PALM2AKAP2: variants seen among roughly 807,000 people sequenced by gnomAD.
PALM2AKAP2 encodes PALM2-AKAP2 fusion protein.
Under a neutral mutation model 71.5 loss-of-function variants are expected in PALM2AKAP2, and 37 were observed. The observed-to-expected ratio is 0.52, with a 90% confidence interval of 0.40 to 0.68. PALM2AKAP2 has a LOEUF of 0.68. Among genes scored for constraint, PALM2AKAP2 ranks in the 30% least tolerant of loss-of-function variants. The probability of loss-of-function intolerance (pLI) is 0.00; values close to 1 mark genes in which losing one functional copy is unlikely to be tolerated. For missense variants in PALM2AKAP2, 1,224 were observed against 1,191.8 expected, an observed-to-expected ratio of 1.03 and a Z score of -0.40; for synonymous variants, 468 against 478.8, an observed-to-expected ratio of 0.98 and a Z score of 0.29.
At chr9:109,672,995 C>T (rs1827597523) in intron 1 of PALM2AKAP2, among the ~76,000 whole-genome samples, 1 of 151,870 alleles carries the variant, frequency 6.6e-6, no homozygotes, top group African/African-American at 2.4e-5. Context: ...TTTCTCTCTT[C>T]TTTATTAGTC....
chr9:109,705,444 A>G (rs1828127825), intron 1 of PALM2AKAP2, among the ~76,000 whole-genome samples: 1 of 152,150 alleles, frequency 6.6e-6, no homozygotes, highest in Non-Finnish European at 1.5e-5. Flanking sequence ...CACCATCGCT[A>G]CTATGTGTCA....
intron 1 of PALM2AKAP2, among the ~76,000 whole-genome samples, chr9:109,662,088 A>T (rs1160841477): frequency 2.0e-5 from 3 of 151,902 alleles, no homozygotes; most frequent in Non-Finnish European, 4.4e-5. Context: ...GGGTTTTCTA[A>T]ATATACAATC....
At chr9:110,092,038 GAAGT>G (rs1161519145) in intron 1 of PALM2AKAP2, among the ~76,000 whole-genome samples, 2 of 152,160 alleles carry the variant, frequency 1.3e-5, no homozygotes, top group South Asian at 2.1e-4. Flanking sequence ...TGAGATGTCA[GAAGT>G]AAGATCTGGC....
chr9:110,165,514 A>G (rs1193761345), intron 3 of PALM2AKAP2, among the ~76,000 whole-genome samples: 1 of 152,150 alleles, frequency 6.6e-6, no homozygotes, highest in Non-Finnish European at 1.5e-5. Context: ...TGTCTGTGCC[A>G]TTACTAGAGG....
chr9:110,060,965 T>C (rs1833953747), intron 1 of PALM2AKAP2, among the ~76,000 whole-genome samples: 1 of 152,178 alleles, frequency 6.6e-6, no homozygotes, highest in Admixed American at 6.5e-5. Flanking sequence ...GACTTTGCAG[T>C]TCCTTAATTT....
At chr9:109,841,394 A>G (rs551661312) in intron 1 of PALM2AKAP2, among the ~76,000 whole-genome samples, 1 of 148,454 alleles carries the variant, frequency 6.7e-6, no homozygotes, top group South Asian at 2.2e-4. Flanking sequence ...GAGGGATAGC[A>G]TTAGGAGATA....
chr9:110,037,271 G>C (rs1229122251), intron 7 of PALM2AKAP2, among the ~76,000 whole-genome samples: 2 of 151,998 alleles, frequency 1.3e-5, no homozygotes, highest in African/African-American at 4.8e-5. Flanking sequence ...CACGATCTCA[G>C]CTCACCGCAA....
At chr9:109,757,092 C>T (rs78550437) in intron 1 of PALM2AKAP2, among the ~76,000 whole-genome samples, 8 of 152,184 alleles carry the variant, frequency 5.3e-5, no homozygotes, top group African/African-American at 1.9e-4. Flanking sequence ...CGCCTATTCG[C>T]CAACCACTCT....
chr9:109,735,211 G>T (rs1828612228), intron 1 of PALM2AKAP2, among the ~76,000 whole-genome samples: 1 of 149,252 alleles, frequency 6.7e-6, no homozygotes, highest in Non-Finnish European at 1.5e-5. Flanking sequence ...AGATTCATGG[G>T]TATTTTCCTG....
chr9:109,887,403 C>G (rs1829990256), intron 3 of PALM2AKAP2, among the ~76,000 whole-genome samples: 1 of 152,204 alleles, frequency 6.6e-6, no homozygotes, highest in African/African-American at 2.4e-5. Flanking sequence ...GGTCCCCACC[C>G]CACGTTCAGC....
chr9:110,077,356 A>G (rs1023477900), intron 1 of PALM2AKAP2, among the ~76,000 whole-genome samples: 11 of 152,250 alleles, frequency 7.2e-5, no homozygotes, highest in East Asian at 1.9e-4. Context: ...CATAATTACT[A>G]TAATAGTACA....
chr9:110,082,401 G>A (rs996167969), intron 1 of PALM2AKAP2, among the ~76,000 whole-genome samples: 9 of 152,124 alleles, frequency 5.9e-5, no homozygotes, highest in African/African-American at 2.2e-4. Context: ...CTAAAACACC[G>A]TAGGAAGTGA....
intron 3 of PALM2AKAP2, among the ~76,000 whole-genome samples, chr9:109,902,444 G>A (rs1476937932): frequency 1.3e-5 from 2 of 152,202 alleles, no homozygotes; most frequent in African/African-American, 2.4e-5. Flanking sequence ...TCATTATGAC[G>A]TCAATTCAGC....
At chr9:109,756,996 T>C (rs941610666) in intron 1 of PALM2AKAP2, among the ~76,000 whole-genome samples, 1 of 152,126 alleles carries the variant, frequency 6.6e-6, no homozygotes, top group Non-Finnish European at 1.5e-5. Context: ...TTTCTAGCTA[T>C]TTTGAAATAT....
intron 1 of PALM2AKAP2, among the ~76,000 whole-genome samples, chr9:110,086,218 T>C (rs1319513632): frequency 6.6e-6 from 1 of 152,160 alleles, no homozygotes; most frequent in African/African-American, 2.4e-5. Context: ...CTCTGTTTGA[T>C]TTTTAAAAAC....
intron 1 of PALM2AKAP2, among the ~76,000 whole-genome samples, chr9:109,848,005 A>G (rs1281654236): frequency 1.3e-5 from 2 of 152,032 alleles, no homozygotes; most frequent in Non-Finnish European, 2.9e-5. Context: ...TCTTTCCCCC[A>G]CCCATTGGCT....
At chr9:109,881,328 G>T (rs1347406078) in intron 3 of PALM2AKAP2, among the ~76,000 whole-genome samples, 3 of 152,120 alleles carry the variant, frequency 2.0e-5, no homozygotes, top group Non-Finnish European at 2.9e-5. Flanking sequence ...CCTTCACTAG[G>T]TGCTCCCTTT....
intron 2 of PALM2AKAP2, 108 bp downstream of exon 2, chr9:109,867,679 C>T: frequency 7.9e-7 from 1 of 1,260,334 alleles, no homozygotes; most frequent in South Asian, 1.5e-5. Context: ...CCAACCAAAC[C>T]AGCCTTTTTC....
At chr9:109,989,369 G>A (rs10217567) in intron 6 of PALM2AKAP2, among the ~76,000 whole-genome samples, 42,973 of 152,054 alleles carry the variant, frequency 0.28, 7,668 homozygotes, top group Non-Finnish European at 0.41. Context: ...CCAGAGGATG[G>A]TGCAGTAATT....
Sources: gnomAD v4.1 joint callset for allele counts (sites outside exome capture counted in the v4.1 genomes callset) on GRCh38, gnomAD v4.1.1 for gene constraint, MANE v1.5 for transcripts, NCBI Gene and HGNC (gene_info 2026-07-23, HGNC 2026-07-21) for gene names.